SGCZ: variants seen among roughly 807,000 people sequenced by gnomAD.
SGCZ encodes the protein zeta-sarcoglycan.
In SGCZ, 40 loss-of-function variants were observed where a neutral mutation model predicts 41.3. The ratio of observed to expected loss-of-function variants is 0.97; its 90% CI spans 0.75 to 1.26. The LOEUF is 1.26. Among genes scored for constraint, SGCZ ranks in the 50% most tolerant of loss-of-function variants. SGCZ has a pLI of 0.00. For missense variants in SGCZ, 552 were observed against 369.8 expected, an observed-to-expected ratio of 1.49 and a Z score of -4.04; for synonymous variants, 206 against 137.5, an observed-to-expected ratio of 1.50 and a Z score of -3.49.
intron 1 of SGCZ, among the ~76,000 whole-genome samples, chr8:14,623,842 T>C (rs1221050457): frequency 6.6e-6 from 1 of 152,156 alleles, no homozygotes; most frequent in Non-Finnish European, 1.5e-5. Flanking sequence ...AACCTGCTTC[T>C]AACTAGCCTT....
At chr8:15,024,732 C>T (rs1330179958) in intron 1 of SGCZ, among the ~76,000 whole-genome samples, 3 of 151,900 alleles carry the variant, frequency 2.0e-5, no homozygotes, top group African/African-American at 4.8e-5. Context: ...GTCAGGAGAT[C>T]GAGACTGTCC....
At chr8:14,160,201 C>T (rs1368998797) in intron 5 of SGCZ, among the ~76,000 whole-genome samples, 3 of 152,204 alleles carry the variant, frequency 2.0e-5, no homozygotes, top group Non-Finnish European at 4.4e-5. Flanking sequence ...CTAAGTCTAA[C>T]TAATAGCTTT....
At chr8:14,654,163 C>G (rs1000427278) in intron 1 of SGCZ, among the ~76,000 whole-genome samples, 3 of 151,510 alleles carry the variant, frequency 2.0e-5, no homozygotes, top group Non-Finnish European at 4.4e-5. Context: ...TACTAAAATC[C>G]ATAGCATTTA....
chr8:14,347,131 G>A (rs888901312), intron 2 of SGCZ, among the ~76,000 whole-genome samples: 3 of 152,000 alleles, frequency 2.0e-5, no homozygotes, highest in Non-Finnish European at 4.4e-5. Flanking sequence ...GAGACATTAT[G>A]TTATGTTAAA....
intron 1 of SGCZ, among the ~76,000 whole-genome samples, chr8:15,120,694 G>T (rs977967739): frequency 1.3e-5 from 2 of 151,750 alleles, no homozygotes; most frequent in African/African-American, 4.8e-5. Context: ...TCAGCCCATC[G>T]CCCCTGCTTT....
chr8:14,487,782 G>T (rs1002203685), intron 2 of SGCZ: 15 of 149,880 alleles, frequency 1.0e-4, no homozygotes, highest in Non-Finnish European at 1.8e-4. Flanking sequence ...AACAGAGATT[G>T]TGTCACAAAT....
At chr8:15,190,714 G>A (rs1417686918) in intron 1 of SGCZ, among the ~76,000 whole-genome samples, 1 of 151,860 alleles carries the variant, frequency 6.6e-6, no homozygotes, top group East Asian at 1.9e-4. Flanking sequence ...GGGGGATGGG[G>A]TTAGGTTTGT....
At chr8:14,419,090 A>T (rs1047549807) in intron 2 of SGCZ, among the ~76,000 whole-genome samples, 5 of 151,984 alleles carry the variant, frequency 3.3e-5, no homozygotes, top group African/African-American at 1.2e-4. Flanking sequence ...GAACAGACCT[A>T]CAGCAAATAC....
At chr8:14,925,340 T>G (rs1428081432) in intron 1 of SGCZ, among the ~76,000 whole-genome samples, 1 of 152,206 alleles carries the variant, frequency 6.6e-6, no homozygotes, top group African/African-American at 2.4e-5. Flanking sequence ...ATATGTTAAT[T>G]TCTTAATATT....
intron 1 of SGCZ, among the ~76,000 whole-genome samples, chr8:14,616,005 T>C (rs1308192890): frequency 6.6e-6 from 1 of 152,114 alleles, no homozygotes; most frequent in African/African-American, 2.4e-5. Context: ...AACCCTGGGC[T>C]GGGCGCAGTG....
Position 14,536,457 on chromosome 8 carries a change from C to T in SGCZ, c.234+18275G>A, listed in dbSNP as rs76006523. ...ATTAAAGTTATTTGAACGAGATCTACTTTTGATTTCTTTTCATGCTTCAGA... is the reference window on the plus strand; with the variant it reads ...ATTAAAGTTATTTGAACGAGATCTATTTTTGATTTCTTTTCATGCTTCAGA... On this transcript the variant is annotated intron_variant, in intron 2 of 7. Coordinates refer to ENST00000382080, the MANE Select transcript of SGCZ (RefSeq NM_139167.4). Among the ~76,000 whole-genome samples, 11 of 151,832 alleles carry T rather than the reference C, an allele frequency of 7.2e-5. No individual in the cohort carries two copies. In the East Asian group the frequency reaches 2.1e-3, roughly 30 times the overall value.
At chr8:14,884,841 T>G (rs1804729211) in intron 1 of SGCZ, among the ~76,000 whole-genome samples, 1 of 152,088 alleles carries the variant, frequency 6.6e-6, no homozygotes, top group Admixed American at 6.6e-5. Flanking sequence ...CCCATCTCCT[T>G]TCAATCCTCC....
chr8:14,547,147 T>A (rs1480820455), intron 2 of SGCZ, among the ~76,000 whole-genome samples: 3 of 152,150 alleles, frequency 2.0e-5, no homozygotes, highest in Non-Finnish European at 4.4e-5. Context: ...ATATAATATC[T>A]TAATCAGGTA....
intron 1 of SGCZ, among the ~76,000 whole-genome samples, chr8:15,009,342 A>C (rs1802742376): frequency 5.0e-5 from 1 of 19,918 alleles, no homozygotes; most frequent in Admixed American, 6.5e-4. Context: ...TCACAAGAAC[A>C]GCAATGGAAA....
chr8:15,123,680 T>C (rs950765513), intron 1 of SGCZ, among the ~76,000 whole-genome samples: 2 of 152,194 alleles, frequency 1.3e-5, no homozygotes, highest in Non-Finnish European at 2.9e-5. Flanking sequence ...TTCTAAGTGA[T>C]AAGTATGACA....
chr8:14,548,221 G>C (rs1185251514), intron 2 of SGCZ, among the ~76,000 whole-genome samples: 2 of 152,068 alleles, frequency 1.3e-5, no homozygotes, highest in African/African-American at 2.4e-5. Context: ...AGAAAGCCAG[G>C]ACTTGGACAA....
intron 1 of SGCZ, among the ~76,000 whole-genome samples, chr8:14,592,067 T>G (rs1039054540): frequency 6.6e-6 from 1 of 152,174 alleles, no homozygotes. Context: ...TCCCAAAATA[T>G]AGCAAAGACT....
chr8:14,321,250 C>T (rs1265136733), intron 3 of SGCZ, among the ~76,000 whole-genome samples: 1 of 151,928 alleles, frequency 6.6e-6, no homozygotes, highest in Admixed American at 6.6e-5. Flanking sequence ...TAAGATATTT[C>T]CTGGATACAC....
In SGCZ at chr8:15,139,201, T is replaced by G. The variant is rs189551882; in HGVS notation, c.39+98384A>C. Among the ~76,000 whole-genome samples the G allele has an allele frequency of 1.4e-3, 215 of 152,350 alleles. 1 individual carries two copies. Among genetic ancestry groups the G allele is most frequent in the South Asian group, 5.8e-3 (28 of 4,832 alleles). ...AATAAGCATCAAAACCAAATTTCCC[T>G]AATACAATTCTTTAAACATAGTTCA... On this transcript the variant is annotated intron_variant, in intron 1 of 7. Coordinates refer to ENST00000382080, the MANE Select transcript of SGCZ (RefSeq NM_139167.4).
Sources: allele counts gnomAD v4.1 joint callset (sites outside exome capture counted in the v4.1 genomes callset), GRCh38; gene constraint gnomAD v4.1.1; transcripts MANE v1.5; gene names NCBI Gene and HGNC (gene_info 2026-07-23, HGNC 2026-07-21).